FHAD1: variants seen among roughly 807,000 people sequenced by gnomAD.
FHAD1 encodes the protein forkhead associated phosphopeptide binding domain 1.
Under a neutral mutation model 191.3 loss-of-function variants are expected in FHAD1, and 146 were observed. The observed-to-expected ratio is 0.76, with a 90% CI of 0.67 to 0.88. The LOEUF is 0.88. Among genes scored for constraint, FHAD1 ranks in the 40% least tolerant of loss-of-function variants. The pLI, the probability that FHAD1 is intolerant of heterozygous loss-of-function variation, is 0.00. For synonymous variants in FHAD1, 616 were observed against 672.3 expected (o/e 0.92, Z 1.29); for missense variants, 1,635 against 1,785.8 (o/e 0.92, Z 1.52).
At chr1:15,339,184 T>G (rs907547022) in intron 14 of FHAD1, among the ~76,000 whole-genome samples, 1 of 151,868 alleles carries the variant, frequency 6.6e-6, no homozygotes, top group Non-Finnish European at 1.5e-5. Context: ...ACCCAGCTAG[T>G]TTTTGTATTT....
intron 20 of FHAD1, among the ~76,000 whole-genome samples, chr1:15,355,721 T>G (rs912827360): frequency 3.3e-5 from 5 of 152,160 alleles, no homozygotes; most frequent in African/African-American, 1.2e-4. Flanking sequence ...CAGGTCTGCA[T>G]GAGGTCCTCC....
At chr1:15,374,469 G>A in intron 26 of FHAD1, 33 bp from the exon 27 acceptor site, 1 of 1,550,798 alleles carries the variant, frequency 6.4e-7, no homozygotes, top group South Asian at 1.2e-5. Flanking sequence ...TCTAATCCCT[G>A]ATCAAATGCT....
In FHAD1 at chr1:15,358,084, AT is replaced by A. The variant is rs1164511895; in HGVS notation, c.2563-22del. ...AAATATGTATTCCTGAATGTCTGTT[AT>A]TTTGCTACTTGTTTTTTTGTCTAGG... On this transcript the variant is annotated intron_variant, in intron 20 of 33. Transcript: ENST00000688493. 2.7e-6 allele frequency: 4 copies of A among 1,473,042 alleles called. No individual in the cohort carries two copies. In the East Asian group the frequency reaches 1.0e-4, roughly 37 times the overall value. 91.2% of individuals were successfully genotyped at this position (1,473,042 alleles called of 1,614,324 possible).
At position 15,311,785 on chromosome 1, in the gene FHAD1, A is replaced by G. The variant is rs764183152; in HGVS notation, c.1040-1272A>G. Among the ~76,000 whole-genome samples the G allele has an allele frequency of 6.6e-6, 1 of 152,200 alleles. No homozygotes were observed. The highest frequency in any genetic ancestry group is 1.9e-4 in the East Asian group (1 of 5,196). ...GTGATAATACAATAATATATTGACT[A>G]TCTGCTGTCACATAAGTTATCCCAA... On this transcript the variant is annotated intron_variant, in intron 7 of 33. Coordinates refer to ENST00000688493, the MANE Select transcript of FHAD1 (RefSeq NM_001391957.1). This position sits in a 1 kb window ranked among gnomAD's most constrained non-coding sequence, Gnocchi z 4.1.
rs769212616 is a variant in FHAD1 at position 15,316,048 on chromosome 1, C to T, written c.1171-330C>T. ...TGAAGCACTGAGAGCCGTCCAGGCT[C>T]GCTAGTGGCCCTCCAAGGACATCCG... is the stretch of plus-strand genomic sequence containing the variant. On this transcript the variant is annotated intron_variant, in intron 8 of 33. Transcript: ENST00000688493. This position sits in a 1 kb window ranked among gnomAD's most constrained non-coding sequence, Gnocchi z 4.3. Among the ~76,000 whole-genome samples the T allele has an allele frequency of 6.6e-6, 1 of 152,242 alleles. No individual in the cohort carries two copies. The highest frequency in any genetic ancestry group is 2.4e-5 in the African/African-American group (1 of 41,470).
chr1:15,390,299 C>T (rs1303804239), intron 32 of FHAD1, among the ~76,000 whole-genome samples: 2 of 144,220 alleles, frequency 1.4e-5, no homozygotes, highest in African/African-American at 2.7e-5. Context: ...GAGCCGAGAT[C>T]GCACCACTGC....
At position 15,308,723 on chromosome 1, in the gene FHAD1, C is replaced by T. The variant is rs368985318; in HGVS notation, c.1026C>T (p.Asn342=). ...AGGGCGAGAACTTAAAGAGAGACAA[C>T]GCTATCACATCAGGTGAGCCCTTGG... The part of the protein sequence containing the change: ...KNEGENLKRD[N]AITSGMVSSL... Residue 342 remains asparagine (N), a synonymous_variant, in exon 7 of 34, where the codon AAC becomes AAT. Transcript: ENST00000688493. 1.9e-4 allele frequency: 302 copies of T among 1,551,684 alleles called. No individual in the cohort carries two copies. Among genetic ancestry groups the T allele is most frequent in the South Asian group, 4.6e-4 (39 of 84,068 alleles).
intron 14 of FHAD1, among the ~76,000 whole-genome samples, chr1:15,333,824 CTTTT>C (rs55698715): frequency 0.011 from 731 of 64,744 alleles, 6 homozygotes; most frequent in African/African-American, 0.039. Context: ...TTTTATTTAT[CTTTT>C]TTTTTTTTTT....
At chr1:15,238,512 A>T (rs1304312529) in intron 1 of FHAD1, among the ~76,000 whole-genome samples, 4 of 152,214 alleles carry the variant, frequency 2.6e-5, no homozygotes, top group African/African-American at 9.6e-5. Flanking sequence ...GGGAGGGCAC[A>T]GGAGGCCAAG....
chr1:15,384,827 A>T (rs945012558), intron 31 of FHAD1, among the ~76,000 whole-genome samples: 26 of 152,292 alleles, frequency 1.7e-4, no homozygotes, highest in African/African-American at 6.0e-4. Context: ...GGCACGGCCC[A>T]CCCTCACCTC....
chr1:15,345,603 G>C, intron 18 of FHAD1, 80 bp downstream of exon 18: 1 of 1,138,500 alleles, frequency 8.8e-7, no homozygotes, highest in Non-Finnish European at 1.3e-6. Flanking sequence ...CGGCGATGAT[G>C]GGGGTGAGAT....
intron 2 of FHAD1, among the ~76,000 whole-genome samples, chr1:15,266,154 G>A (rs1198886893): frequency 1.3e-5 from 2 of 151,906 alleles, no homozygotes; most frequent in African/African-American, 4.8e-5. Context: ...CTGTTGCCCA[G>A]GCTGGAGTGT....
At chr1:15,261,030 G>A (rs940746216) in intron 2 of FHAD1, among the ~76,000 whole-genome samples, 3 of 152,212 alleles carry the variant, frequency 2.0e-5, no homozygotes, top group Admixed American at 6.5e-5. Context: ...GATGTTGAGA[G>A]CTTTTCAGAG....
intron 26 of FHAD1, among the ~76,000 whole-genome samples, chr1:15,371,538 G>C (rs939891986): frequency 2.6e-5 from 4 of 152,174 alleles, no homozygotes; most frequent in Non-Finnish European, 2.9e-5. Flanking sequence ...TCCGCAAGGA[G>C]GGGTCACATG....
In FHAD1 at chr1:15,308,725, C is replaced by T. The variant is rs1183391672; in HGVS notation, c.1028C>T (p.Ala343Val). ...GGCGAGAACTTAAAGAGAGACAACG[C>T]TATCACATCAGGTGAGCCCTTGGAG... Reference protein sequence around the residue: ...NEGENLKRDNAITSGMVSSLQ... With the variant: ...NEGENLKRDNVITSGMVSSLQ... Residue 343 changes from alanine (A) to valine (V), a missense_variant, in exon 7 of 34, where the codon GCT becomes GTT. Ala to Val is a moderately conservative substitution (Grantham distance 64). Coordinates refer to ENST00000688493, the MANE Select transcript of FHAD1 (RefSeq NM_001391957.1). 1.2e-5 allele frequency: 18 copies of T among 1,551,600 alleles called. No homozygotes were observed. Among genetic ancestry groups the T allele is most frequent in the Non-Finnish European group, 1.4e-5 (16 of 1,146,988 alleles).
intron 27 of FHAD1, among the ~76,000 whole-genome samples, chr1:15,375,375 A>G (rs192040953): frequency 6.6e-6 from 1 of 152,010 alleles, no homozygotes; most frequent in East Asian, 1.9e-4. Flanking sequence ...AGCAAAGTCC[A>G]CCCTCAATGG....
At chr1:15,393,546 CAG>C (rs749033244) in intron 33 of FHAD1, among the ~76,000 whole-genome samples, 24 of 151,398 alleles carry the variant, frequency 1.6e-4, no homozygotes, top group South Asian at 2.1e-4. Context: ...CTGAGAAACA[CAG>C]AGTTAGACTA....
intron 2 of FHAD1, among the ~76,000 whole-genome samples, chr1:15,253,342 C>A (rs4460632): frequency 0.023 from 3,571 of 152,236 alleles, 140 homozygotes; most frequent in African/African-American, 0.08. Context: ...CTGTCTATAT[C>A]TATGAAATGT....
At chr1:15,386,931 C>CT (rs1702273156) in intron 31 of FHAD1, among the ~76,000 whole-genome samples, 1 of 150,710 alleles carries the variant, frequency 6.6e-6, no homozygotes, top group African/African-American at 2.5e-5. Flanking sequence ...GGCACAATCT[C>CT]GGCTCACTGC....
Sources: allele counts gnomAD v4.1 joint callset (sites outside exome capture counted in the v4.1 genomes callset), GRCh38; gene constraint gnomAD v4.1.1; non-coding constraint Gnocchi (gnomAD v3.1); transcripts MANE v1.5; gene names NCBI Gene and HGNC (gene_info 2026-07-23, HGNC 2026-07-21).